The following TRPA1 variants were observed in gnomAD, a reference collection of about 807,000 sequenced individuals.
TRPA1 encodes the protein ankyrin-like with transmembrane domains 1.
A neutral mutation model predicts 131.3 loss-of-function variants in TRPA1; 129 were observed. That is an observed-to-expected ratio of 0.98 (90% confidence interval 0.85 to 1.14). TRPA1 has a LOEUF of 1.14. Among genes scored for constraint, TRPA1 ranks in the 50% most tolerant of loss-of-function variants. The pLI is 0.00. For synonymous variants in TRPA1, 441 were observed against 451.7 expected (o/e 0.98, Z 0.30); for missense variants, 1,304 against 1,354.2 (o/e 0.96, Z 0.58).
At position 72,023,880 on chromosome 8, in the gene TRPA1, TC is replaced by T; in HGVS notation, c.3082del (p.Glu1028LysfsTer2). On this transcript the variant is annotated frameshift_variant, in exon 26 of 27. Coordinates refer to ENST00000262209, the MANE Select transcript of TRPA1 (RefSeq NM_007332.3). LOFTEE classifies it high-confidence loss of function. ...AGCATTTGGTATTTCTTGTCTTATT[TC>T]CCCAGTGCAAAATAAAAAACAGAAT... ...HIFCFLFCTGEIRQEIPNADK... is the reference protein window; with the variant it reads ...HIFCFLFCTGXIRQEIPNADK... 6.3e-7 allele frequency: 1 copy of T among 1,595,008 alleles called. No individual in the cohort carries two copies. Among genetic ancestry groups the T allele is most frequent in the Non-Finnish European group, 8.6e-7 (1 of 1,163,120 alleles).
At chr8:72,068,978 C>T (rs1266978035) in intron 3 of TRPA1, 45 bp downstream of exon 3, 1 of 1,610,546 alleles carries the variant, frequency 6.2e-7, no homozygotes, top group East Asian at 2.2e-5. Context: ...GGTCCCAGCA[C>T]CTGCACCGCC....
Position 72,069,120 on chromosome 8 carries a change from A to C in TRPA1, c.347T>G (p.Phe116Cys). 1 of 1,614,236 alleles carries C rather than the reference A, an allele frequency of 6.2e-7. No homozygotes were observed. Among genetic ancestry groups the C allele is most frequent in the Non-Finnish European group, 8.5e-7 (1 of 1,180,040 alleles). Reference protein sequence around the residue: ...VEKNQIESVKFLLSRGANPNL... With the variant: ...VEKNQIESVKCLLSRGANPNL... ...TGGGTTTGCTCCTCTGCTGAGAAGA[A>C]ACTTAACGCTTTCAATTTGGTTTTT... Residue 116 changes from phenylalanine to cysteine, a missense_variant, in exon 3 of 27, where the codon TTT becomes TGT. By Grantham distance (205) the Phe-to-Cys change is radical (BLOSUM62 -2). Coordinates refer to ENST00000262209, the MANE Select transcript of TRPA1 (RefSeq NM_007332.3).
chr8:72,046,695 C>A (rs866810255), intron 16 of TRPA1, 87 bp from the exon 17 acceptor site: 2 of 685,900 alleles, frequency 2.9e-6, no homozygotes, highest in Non-Finnish European at 5.0e-6. Flanking sequence ...ATCAAATACA[C>A]AAATTTACAA....
chr8:72,054,101 A>T, intron 12 of TRPA1: 1 of 535,542 alleles, frequency 1.9e-6, no homozygotes, highest in South Asian at 2.1e-5. Flanking sequence ...GGTTTAAAAT[A>T]TGAAAGTATA....
chr8:72,055,664 A>T lies in TRPA1; in HGVS notation c.1364+22T>A, dbSNP rs775517828. On this transcript the variant is annotated intron_variant, in intron 11 of 26. Transcript: ENST00000262209. ...TTAAACAGAAAGAAGACATGTTCAT[A>T]CATTGCTAGACTGACCCTTACCTGG... The T allele has an allele frequency of 6.2e-6, 10 of 1,613,562 alleles. 1 individual carries two copies. The Admixed American group carries it at 1.7e-4, about 27-fold the overall frequency.
chr8:72,036,154 A>G lies in TRPA1; in HGVS notation c.2555+134T>C, dbSNP rs542876365. On this transcript the variant is annotated intron_variant, in intron 21 of 26. Coordinates refer to ENST00000262209, the MANE Select transcript of TRPA1 (RefSeq NM_007332.3). ...TGCTCCAGCCTTTCCTTAATAGGGT[A>G]TACAAAAATTCTTCATATTTTGAAA... 4 of 871,690 alleles carry G rather than the reference A, an allele frequency of 4.6e-6. No individual in the cohort carries two copies. In the East Asian group the frequency reaches 1.1e-4, roughly 23 times the overall value. 54.0% of individuals were successfully genotyped at this position (871,690 alleles called of 1,614,324 possible). A position where few individuals can be genotyped will look rare whatever the true frequency, so the allele number is the denominator to read the frequency against.
At chr8:72,051,276 T>C (rs777680727) in intron 14 of TRPA1, among the ~76,000 whole-genome samples, 16 of 152,194 alleles carry the variant, frequency 1.1e-4, no homozygotes, top group Admixed American at 4.6e-4. Context: ...CCATATTTAA[T>C]AACTAATACA....
chr8:72,057,523 G>T (rs1329546123), intron 9 of TRPA1, among the ~76,000 whole-genome samples, 194 bp downstream of exon 9: 2 of 152,186 alleles, frequency 1.3e-5, no homozygotes, highest in Admixed American at 6.5e-5. Context: ...TTTTAAGTAT[G>T]CTCCCTTACT....
chr8:72,082,683 C>CTT, the TRPA1 span, among the ~76,000 whole-genome samples: 5,733 of 146,852 alleles, frequency 0.039, 363 homozygotes, highest in African/African-American at 0.14. Context: ...AACAAATTAT[C>CTT]TTTTTTTTTT....
At chr8:72,045,020 C>T (rs1022545344) in intron 17 of TRPA1, among the ~76,000 whole-genome samples, 3 of 151,798 alleles carry the variant, frequency 2.0e-5, no homozygotes, top group African/African-American at 7.3e-5. Context: ...GAAGTATTGC[C>T]TATTTTTAAA....
At chr8:72,082,118 A>T in the TRPA1 span, among the ~76,000 whole-genome samples, 1 of 151,884 alleles carries the variant, frequency 6.6e-6, no homozygotes, top group Non-Finnish European at 1.5e-5. Flanking sequence ...ATTCATCGGT[A>T]GATTGTTTGG....
chr8:72,052,994 T>TGTGTGTGTGTGTGTGATAGAGAGA (rs1491537785), intron 13 of TRPA1: 1 of 330,302 alleles, frequency 3.0e-6, no homozygotes. Flanking sequence ...TGTGTGTGTG[T>TGTGTGTGTGTGTGTGATAGAGAGA]GAGAGATAGA....
At chr8:72,039,573 C>A (rs1812176146) in intron 18 of TRPA1, among the ~76,000 whole-genome samples, 154 bp downstream of exon 18, 1 of 151,558 alleles carries the variant, frequency 6.6e-6, no homozygotes, top group South Asian at 2.1e-4. Flanking sequence ...ACTTTAAGTT[C>A]TAGGGCATTT....
chr8:72,036,240 A>T lies in TRPA1; in HGVS notation c.2555+48T>A, dbSNP rs866731043. ...ACCAGGTACAATAGTTTTTCTTTTGATATTAAAAATGCTTAAAGGATGTGG... is the reference window on the plus strand; with the variant it reads ...ACCAGGTACAATAGTTTTTCTTTTGTTATTAAAAATGCTTAAAGGATGTGG... On this transcript the variant is annotated intron_variant, in intron 21 of 26. Coordinates refer to ENST00000262209, the MANE Select transcript of TRPA1 (RefSeq NM_007332.3). 41 of 1,586,552 alleles carry T rather than the reference A, an allele frequency of 2.6e-5. No individual in the cohort carries two copies. In the Middle Eastern group the frequency reaches 6.3e-3, roughly 244 times the overall value.
At chr8:72,053,003 G>T (rs1805558461) in intron 13 of TRPA1, 1 of 312,986 alleles carries the variant, frequency 3.2e-6, no homozygotes, top group South Asian at 2.9e-5. Flanking sequence ...GTGAGAGATA[G>T]AGAAAGAGAG....
intron 9 of TRPA1, among the ~76,000 whole-genome samples, chr8:72,057,475 C>T (rs527457370): frequency 6.6e-6 from 1 of 152,288 alleles, no homozygotes; most frequent in South Asian, 2.1e-4. Flanking sequence ...ATAACAATTG[C>T]TTTATAAATG....
chr8:72,030,775 T>A (rs1811785185), intron 23 of TRPA1, among the ~76,000 whole-genome samples: 2 of 151,884 alleles, frequency 1.3e-5, no homozygotes, highest in African/African-American at 4.8e-5. Context: ...ATATCTTACA[T>A]ATGTTCAGAA....
At chr8:72,073,359 G>A (rs1428349217) in intron 1 of TRPA1, among the ~76,000 whole-genome samples, 1 of 152,180 alleles carries the variant, frequency 6.6e-6, no homozygotes, top group African/African-American at 2.4e-5. Context: ...TTCTCATCTT[G>A]TAAGTTTTCT....
At chr8:72,088,146 T>C in the TRPA1 span, among the ~76,000 whole-genome samples, 6 of 152,216 alleles carry the variant, frequency 3.9e-5, no homozygotes, top group Non-Finnish European at 7.3e-5. Flanking sequence ...GAAGCTGTCT[T>C]TGTATCTTGT....
Sources: allele counts gnomAD v4.1 joint callset (sites outside exome capture counted in the v4.1 genomes callset), GRCh38; gene constraint gnomAD v4.1.1; transcripts MANE v1.5; gene names NCBI Gene and HGNC (gene_info 2026-07-23, HGNC 2026-07-21).